The following NBPF15 variants were observed in gnomAD, a reference collection of about 807,000 sequenced individuals.
NBPF15 encodes NBPF family member NBPF15.
In NBPF15, 74 loss-of-function variants were observed where a neutral mutation model predicts 62.2. The observed-to-expected ratio is 1.19, with a 90% confidence interval of 0.99 to 1.44. NBPF15 has a LOEUF of 1.44. NBPF15 is among the 40% of genes most tolerant of loss of function. The pLI is 0.00. For missense variants in NBPF15, 790 were observed against 550.0 expected, an observed-to-expected ratio of 1.44 and a Z score of -4.36; for synonymous variants, 244 against 209.7, an observed-to-expected ratio of 1.16 and a Z score of -1.41.
In NBPF15 at chr1:144,435,191, A is replaced by C; in HGVS notation, c.692T>G (p.Phe231Cys). The C allele has an allele frequency of 6.2e-7, 1 of 1,613,078 alleles. No individual in the cohort carries two copies. The change falls in exon 12 of 22, where the codon TTT becomes TGT. Residue 231 changes from phenylalanine to cysteine, a missense_variant. Coordinates refer to ENST00000581897, the MANE Select transcript of NBPF15 (RefSeq NM_001385408.1). ...NQPHKKTKIT[F>C]EEDKVDSTLI... ...AGTTGAGTCGACTTTGTCTTCCTCA[A>C]ATGTGATTTTGGTTTTCTTATGTGG...
rs1315781309 is a variant in NBPF15 at position 144,447,852 on chromosome 1, C to T, written c.-191+923G>A. ...CATGGCATTGGGGCTGGTACAGCCT[C>T]GCTCAATTATGGGTTGAAGAGTACA... On this transcript the variant is annotated intron_variant, in intron 6 of 21. Coordinates refer to ENST00000581897, the MANE Select transcript of NBPF15 (RefSeq NM_001385408.1). Among the ~76,000 whole-genome samples, 11 of 152,110 alleles carry T rather than the reference C, an allele frequency of 7.2e-5. 2 individuals are homozygous for T. The South Asian group carries it at 1.7e-3, about 23-fold the overall frequency.
rs1681604164 is a variant in NBPF15, at chr1:144,439,977, G to T, written c.27C>A (p.Ser9=). The change falls in exon 8 of 22, where the codon TCC becomes TCA. Residue 9 remains serine, a synonymous_variant. Coordinates refer to ENST00000581897, the MANE Select transcript of NBPF15 (RefSeq NM_001385408.1). ...GAATGTTCATCTCTGCCTTCTCGCT[G>T]GACAAAGGGCCGGCTGATACCACCA... MVVSAGPL[S]SEKAEMNILE... is the part of the protein sequence containing the mutation. 6.2e-7 allele frequency: 1 copy of T among 1,610,108 alleles called. No homozygotes were observed. The highest frequency in any genetic ancestry group is 8.5e-7 in the Non-Finnish European group (1 of 1,178,212).
intron 13 of NBPF15, among the ~76,000 whole-genome samples, chr1:144,431,747 G>T (rs1200679695): frequency 3.1e-5 from 4 of 130,454 alleles, no homozygotes; most frequent in Admixed American, 7.9e-5. Context: ...GCGGTATTTG[G>T]TTTTTTGTCC....
intron 21 of NBPF15, among the ~76,000 whole-genome samples, chr1:144,423,665 G>A (rs1571101727): frequency 6.6e-6 from 1 of 151,922 alleles, no homozygotes; most frequent in East Asian, 1.9e-4. Context: ...TTTGAAGTAT[G>A]GTCAACCTAT....
Position 144,458,027 on chromosome 1 carries a change from C to A in NBPF15, c.-700-1222G>T, listed in dbSNP as rs1185838687. Among the ~76,000 whole-genome samples the A allele has an allele frequency of 1.6e-3, 249 of 151,328 alleles. 4 individuals are homozygous for A. Among genetic ancestry groups the A allele is most frequent in the Non-Finnish European group, 3.2e-3 (216 of 67,854 alleles). ...GCTTGAGCCTGAGAGGTCAAGGCTG[C>A]AGAGACCCATGATCATACCACTCCA... On this transcript the variant is annotated intron_variant, in intron 3 of 21. Transcript: ENST00000581897.
At chr1:144,457,360 C>T (rs1476433563) in intron 3 of NBPF15, among the ~76,000 whole-genome samples, 15 of 152,034 alleles carry the variant, frequency 9.9e-5, no homozygotes, top group African/African-American at 2.4e-4. Context: ...CAGGCTGTCT[C>T]GCTGAGCTTT....
rs1313152389 is a variant in NBPF15, at chr1:144,423,898, C to T, written c.1741G>A (p.Gly581Arg). Reference sequence around the variant, plus strand: ...GGGCATGGTGGGTTGTCATCTTCCCCTTCTTTTCTTCCCCTTCTTCTTTTC... The same window carrying T: ...GGGCATGGTGGGTTGTCATCTTCCCTTTCTTTTCTTCCCCTTCTTCTTTTC... ...KKKRRRGRKE[G>R]EDDNPPCPRL... Residue 581 changes from glycine (G) to arginine (R), a missense_variant, in exon 21 of 22, where the codon GGG (glycine) becomes AGG (arginine). Coordinates refer to ENST00000581897, the MANE Select transcript of NBPF15 (RefSeq NM_001385408.1). 1.3e-6 allele frequency: 1 copy of T among 785,808 alleles called. No homozygotes were observed. The highest frequency in any genetic ancestry group is 1.3e-5 in the South Asian group (1 of 74,910). The allele number at this position is 785,808 out of a possible 1,614,324, so 48.7% of individuals were successfully genotyped here. A position where few individuals can be genotyped will look rare whatever the true frequency, so the allele number is the denominator to read the frequency against.
At chr1:144,453,161 A>C (rs1294378247) in intron 4 of NBPF15, among the ~76,000 whole-genome samples, 1 of 148,650 alleles carries the variant, frequency 6.7e-6, no homozygotes, top group South Asian at 2.2e-4. Context: ...CATGGAAAAG[A>C]ATACGGAGCC....
chr1:144,423,470 A>G (rs1246534660), intron 21 of NBPF15, among the ~76,000 whole-genome samples: 2 of 152,022 alleles, frequency 1.3e-5, no homozygotes, highest in Non-Finnish European at 2.9e-5. Flanking sequence ...AGAGAGACAG[A>G]GACAGAGACA....
Position 144,430,876 on chromosome 1 carries a change from C to T in NBPF15, c.825-1013G>A, listed in dbSNP as rs1485951340. On this transcript the variant is annotated intron_variant, in intron 13 of 21. Coordinates refer to ENST00000581897, the MANE Select transcript of NBPF15 (RefSeq NM_001385408.1). Reference sequence around the variant, plus strand: ...CCAGAATGAACAGTGTAGAGAAGACCTTAAATGACCTGATGGAGCTGAAAA... The same window carrying T: ...CCAGAATGAACAGTGTAGAGAAGACTTTAAATGACCTGATGGAGCTGAAAA... Among the ~76,000 whole-genome samples, 1,217 of 152,022 alleles carry T rather than the reference C, an allele frequency of 8.0e-3. 15 individuals are homozygous for T. The highest frequency in any genetic ancestry group is 0.028 in the African/African-American group (1,171 of 41,452).
intron 7 of NBPF15, 49 bp downstream of exon 7, chr1:144,440,092 A>G: frequency 6.3e-7 from 1 of 1,575,302 alleles, no homozygotes; most frequent in Admixed American, 1.7e-5. Flanking sequence ...GAAATCAAAT[A>G]GGTTTAATCA....
chr1:144,453,223 A>C (rs587716559), intron 4 of NBPF15, among the ~76,000 whole-genome samples: 10 of 150,886 alleles, frequency 6.6e-5, no homozygotes, highest in East Asian at 2.0e-4. Context: ...GTTTAGAGAC[A>C]ATTTAAAACA....
At chr1:144,431,117 C>T (rs372973316) in intron 13 of NBPF15, among the ~76,000 whole-genome samples, 2,283 of 151,146 alleles carry the variant, frequency 0.015, 60 homozygotes, top group African/African-American at 0.05. Context: ...CTGAAAGTGA[C>T]GGGGAGAATG....
At chr1:144,450,491 G>C (rs1417101730) in intron 5 of NBPF15, among the ~76,000 whole-genome samples, 2 of 151,530 alleles carry the variant, frequency 1.3e-5, no homozygotes, top group Non-Finnish European at 2.9e-5. Context: ...AGTGAACCTG[G>C]AAAAATAGCT....
chr1:144,423,606 T>C (rs5020159), intron 21 of NBPF15, among the ~76,000 whole-genome samples: 3,510 of 152,114 alleles, frequency 0.023, 88 homozygotes, highest in Middle Eastern at 0.065. Context: ...TCAATAGTTT[T>C]CCATAAAATA....
chr1:144,442,112 AT>A (rs1683374857), intron 6 of NBPF15, among the ~76,000 whole-genome samples: 2 of 76,268 alleles, frequency 2.6e-5, no homozygotes, highest in Non-Finnish European at 4.8e-5. Flanking sequence ...GTATATATAT[AT>A]ATAATATATA....
intron 16 of NBPF15, 115 bp downstream of exon 16, chr1:144,427,703 G>T: frequency 3.2e-6 from 2 of 617,950 alleles, no homozygotes; most frequent in Non-Finnish European, 5.7e-6. Flanking sequence ...TGTGCCTATA[G>T]GTCCTCCCTG....
At position 144,461,645 on chromosome 1, in the gene NBPF15, C is replaced by G. The variant is rs1456236451; in HGVS notation, c.-1202G>C. The G allele has an allele frequency of 1.3e-5, 2 of 152,432 alleles. No individual in the cohort carries two copies. The highest frequency in any genetic ancestry group is 2.9e-5 in the Non-Finnish European group (2 of 68,326). The allele number at this position is 152,432 out of a possible 1,614,324, so 9.4% of individuals were successfully genotyped here. A position where few individuals can be genotyped will look rare whatever the true frequency, so the allele number is the denominator to read the frequency against. On this transcript the variant is annotated 5_prime_UTR_variant, in exon 1 of 22. Transcript: ENST00000581897. ...CCTGCGCCAGCTGGCTCCTCAGGGT[C>G]CCGCCCGGCGCGTCAGGAGAGCCCA...
rs587634015 is a variant in NBPF15 at position 144,423,226 on chromosome 1, C to G, written c.1800G>C (p.Glu600Asp). 1 of 1,611,556 alleles carries G rather than the reference C, an allele frequency of 6.2e-7. No homozygotes were observed. The highest frequency in any genetic ancestry group is 1.7e-5 in the Admixed American group (1 of 59,970). ...RLYGVLMEVEEPEVLQDSLDR... is the reference protein window; with the variant it reads ...RLYGVLMEVEDPEVLQDSLDR... ...CCAGTGAGTCCTGTAAGACTTCAGGCTCTTCCACTTCCATCAGCACGCCGT... is the reference window on the plus strand; with the variant it reads ...CCAGTGAGTCCTGTAAGACTTCAGGGTCTTCCACTTCCATCAGCACGCCGT... Residue 600 changes from glutamate (E) to aspartate (D), a missense_variant, in exon 22 of 22, where the codon GAG (glutamate) becomes GAC (aspartate). Physicochemically the swap from Glu to Asp is conservative, Grantham distance 45 (BLOSUM62 2). Coordinates refer to ENST00000581897, the MANE Select transcript of NBPF15 (RefSeq NM_001385408.1).
Sources: gnomAD v4.1 joint callset for allele counts (sites outside exome capture counted in the v4.1 genomes callset) on GRCh38, gnomAD v4.1.1 for gene constraint, MANE v1.5 for transcripts, NCBI Gene and HGNC (gene_info 2026-07-23, HGNC 2026-07-21) for gene names.